ARL15: variants seen among roughly 807,000 people sequenced by gnomAD.
ARL15 encodes ADP-ribosylation factor-like protein 15.
ARL15 carries 19 observed loss-of-function variants against 25.2 expected under a neutral mutation model. The ratio of observed to expected loss-of-function variants is 0.75; its 90% CI spans 0.53 to 1.10. The LOEUF is 1.10. ARL15 is among the 50% of genes least tolerant of loss of function. The pLI is 0.00. For missense variants in ARL15, 220 were observed against 246.0 expected, an observed-to-expected ratio of 0.89 and a Z score of 0.71; for synonymous variants, 94 against 86.8, an observed-to-expected ratio of 1.08 and a Z score of -0.46.
rs556398061 is a variant in ARL15, at chr5:54,142,512, C to G, written c.253+12068G>C. Among the ~76,000 whole-genome samples the G allele has an allele frequency of 2.6e-5, 4 of 152,222 alleles. No homozygotes were observed. The South Asian group carries it at 8.3e-4, about 32-fold the overall frequency. On this transcript the variant is annotated intron_variant, in intron 3 of 4. Transcript: ENST00000504924. ...CAGAACAGAGGACCAAACTGAGCCA[C>G]GAGGGTTGATCAGTGACAGCCCATG...
chr5:54,062,240 G>A (rs544641428), intron 4 of ARL15, among the ~76,000 whole-genome samples: 1 of 152,264 alleles, frequency 6.6e-6, no homozygotes, highest in African/African-American at 2.4e-5. Context: ...TCTCAAATGA[G>A]GCTTTGGACA....
intron 1 of ARL15, among the ~76,000 whole-genome samples, chr5:54,196,559 A>C (rs1239065807): frequency 3.3e-5 from 5 of 152,108 alleles, no homozygotes; most frequent in Non-Finnish European, 7.4e-5. Context: ...ATAAAGCAGT[A>C]AGTGGTAATA....
At chr5:54,145,476 A>C (rs1032510944) in intron 3 of ARL15, among the ~76,000 whole-genome samples, 1 of 152,216 alleles carries the variant, frequency 6.6e-6, no homozygotes, top group Non-Finnish European at 1.5e-5. Flanking sequence ...TAAGCATATT[A>C]CCTCTTCAAC....
intron 4 of ARL15, among the ~76,000 whole-genome samples, chr5:54,034,433 A>G (rs574141152): frequency 6.6e-6 from 1 of 152,292 alleles, no homozygotes; most frequent in East Asian, 1.9e-4. Context: ...CAGAAAGAAC[A>G]AACAGTAAAC....
At chr5:53,939,901 T>C (rs1049383905) in intron 4 of ARL15, among the ~76,000 whole-genome samples, 1 of 147,804 alleles carries the variant, frequency 6.8e-6, no homozygotes, top group Non-Finnish European at 1.5e-5. Context: ...AACTTAGGTG[T>C]TATCCAGAAA....
At chr5:54,125,479 T>C (rs1753219649) in intron 3 of ARL15, among the ~76,000 whole-genome samples, 1 of 152,176 alleles carries the variant, frequency 6.6e-6, no homozygotes, top group Non-Finnish European at 1.5e-5. Flanking sequence ...AAATGAAATC[T>C]GCCAACAAAA....
chr5:54,008,891 C>A (rs1416464565), intron 4 of ARL15, among the ~76,000 whole-genome samples: 1 of 152,162 alleles, frequency 6.6e-6, no homozygotes, highest in Non-Finnish European at 1.5e-5. Context: ...TCTATTCTGG[C>A]ATTGTCATTT....
rs565272897 is a variant in ARL15, at chr5:53,982,971, T to G, written c.463-96258A>C. On this transcript the variant is annotated intron_variant, in intron 4 of 4. Transcript: ENST00000504924. ...CTTTTTCATATGTTTGTTGGCTGCA[T>G]AAATGTCTTCTTTTGAGAAGTGTCT... Among the ~76,000 whole-genome samples the G allele has an allele frequency of 1.1e-4, 16 of 152,366 alleles. No individual in the cohort carries two copies. The South Asian group carries it at 2.5e-3, about 24-fold the overall frequency.
chr5:54,284,491 A>G (rs1238919741), intron 1 of ARL15, among the ~76,000 whole-genome samples: 1 of 152,242 alleles, frequency 6.6e-6, no homozygotes, highest in African/African-American at 2.4e-5. Context: ...TTTAAAAAGT[A>G]GGTATTCCCA....
At chr5:54,209,662 A>G (rs749818065) in intron 1 of ARL15, among the ~76,000 whole-genome samples, 1 of 151,872 alleles carries the variant, frequency 6.6e-6, no homozygotes. Context: ...GACTATTTTG[A>G]GGTCGTCTTT....
intron 4 of ARL15, among the ~76,000 whole-genome samples, chr5:54,052,371 AC>A (rs1750729060): frequency 6.6e-6 from 1 of 152,216 alleles, no homozygotes; most frequent in African/African-American, 2.4e-5. Context: ...ATTGCATACA[AC>A]AACTTCCCAG....
intron 4 of ARL15, among the ~76,000 whole-genome samples, chr5:53,924,864 A>T (rs925328090): frequency 1.2e-4 from 18 of 152,208 alleles, no homozygotes; most frequent in Admixed American, 7.2e-4. Context: ...GGAGCCCCAA[A>T]TACCTCAATC....
intron 4 of ARL15, among the ~76,000 whole-genome samples, chr5:54,061,141 C>G (rs990367263): frequency 6.6e-6 from 1 of 152,174 alleles, no homozygotes; most frequent in Non-Finnish European, 1.5e-5. Context: ...GTGGGCCAGG[C>G]CCAGGGTCCT....
intron 3 of ARL15, among the ~76,000 whole-genome samples, chr5:54,116,245 G>A (rs909539215): frequency 6.6e-6 from 1 of 152,188 alleles, no homozygotes; most frequent in Non-Finnish European, 1.5e-5. Flanking sequence ...GGCCTCTGGA[G>A]AAGAGTACAG....
chr5:54,178,528 C>T (rs917450224), intron 1 of ARL15, among the ~76,000 whole-genome samples: 2 of 152,098 alleles, frequency 1.3e-5, no homozygotes, highest in Non-Finnish European at 2.9e-5. Flanking sequence ...TTTAGATTAA[C>T]GAAACATCCA....
chr5:54,110,080 G>C (rs2112207786), intron 4 of ARL15, among the ~76,000 whole-genome samples: 1 of 152,062 alleles, frequency 6.6e-6, no homozygotes, highest in Middle Eastern at 3.4e-3. Context: ...GACTACACTT[G>C]CTTTTGAAAG....
intron 4 of ARL15, among the ~76,000 whole-genome samples, chr5:54,072,583 T>C (rs191649194): frequency 6.6e-6 from 1 of 152,322 alleles, no homozygotes; most frequent in East Asian, 1.9e-4. Context: ...CTATCATACA[T>C]ACATTCTCTC....
At chr5:53,944,530 T>A (rs190965372) in intron 4 of ARL15, among the ~76,000 whole-genome samples, 1 of 152,180 alleles carries the variant, frequency 6.6e-6, no homozygotes, top group East Asian at 1.9e-4. Flanking sequence ...AGGTTGAGGC[T>A]GCAGAAAGCT....
At chr5:53,973,560 G>A (rs1028424854) in intron 4 of ARL15, among the ~76,000 whole-genome samples, 2 of 141,566 alleles carry the variant, frequency 1.4e-5, no homozygotes, top group Admixed American at 7.5e-5. Flanking sequence ...GGCAACAAGA[G>A]TGAAACTTCA....
Sources: allele counts gnomAD v4.1 joint callset (sites outside exome capture counted in the v4.1 genomes callset), GRCh38; gene constraint gnomAD v4.1.1; transcripts MANE v1.5; gene names NCBI Gene and HGNC (gene_info 2026-07-23, HGNC 2026-07-21).